The following ZNF804B variants were observed in gnomAD, a reference collection of about 807,000 sequenced individuals.
The protein encoded by ZNF804B is zinc finger protein 804B.
Under a neutral mutation model 101.4 loss-of-function variants are expected in ZNF804B, and 80 were observed. The ratio of observed to expected loss-of-function variants is 0.79; its 90% CI spans 0.66 to 0.95. The LOEUF is 0.95. ZNF804B is among the 40% of genes least tolerant of loss of function. The pLI is 0.00. For synonymous variants in ZNF804B, 622 were observed against 558.8 expected (o/e 1.11, Z -1.59); for missense variants, 1,673 against 1,561.9 (o/e 1.07, Z -1.20).
chr7:88,841,884 A>T (rs566470391), intron 1 of ZNF804B, among the ~76,000 whole-genome samples: 1 of 152,282 alleles, frequency 6.6e-6, no homozygotes, highest in South Asian at 2.1e-4. Flanking sequence ...GACATACTGT[A>T]TTTCTCAGAA....
chr7:89,038,947 T>A (rs1024767571), intron 1 of ZNF804B, among the ~76,000 whole-genome samples: 5 of 152,112 alleles, frequency 3.3e-5, no homozygotes, highest in African/African-American at 1.2e-4. Flanking sequence ...GTGGCATTTT[T>A]ACTGATGAAC....
intron 1 of ZNF804B, among the ~76,000 whole-genome samples, chr7:88,870,174 C>T (rs1212894462): frequency 6.6e-6 from 1 of 150,956 alleles, no homozygotes; most frequent in South Asian, 2.1e-4. Context: ...ATCACGAGGT[C>T]AGGAGATCGA....
intron 1 of ZNF804B, among the ~76,000 whole-genome samples, chr7:89,174,788 T>C (rs896686971): frequency 7.9e-5 from 12 of 151,992 alleles, no homozygotes; most frequent in Admixed American, 7.9e-4. Flanking sequence ...AAAAAACACA[T>C]AACTAGGGTG....
In ZNF804B at chr7:88,877,017, TA is replaced by T. The variant is rs1366065335; in HGVS notation, c.108+116934del. 3.4e-5 allele frequency among the ~76,000 whole-genome samples: 3 copies of T among 89,008 alleles called. No homozygotes were observed. The East Asian group carries it at 1.1e-3, about 32-fold the overall frequency. 58.4% of individuals were successfully genotyped at this position (89,008 alleles called of 152,430 possible). ...ATATTTGAAAAAAAAAATATATATATATATATATAATATATATATATATATA... is the reference window on the plus strand; with the variant it reads ...ATATTTGAAAAAAAAAATATATATATTATATATAATATATATATATATATA... On this transcript the variant is annotated intron_variant, in intron 1 of 3. Transcript: ENST00000333190.
intron 2 of ZNF804B, among the ~76,000 whole-genome samples, chr7:89,284,223 T>G (rs867386272): frequency 3.3e-5 from 5 of 152,364 alleles, no homozygotes; most frequent in South Asian, 4.1e-4. Context: ...ACAAATATTG[T>G]AAGTATCCAC....
At chr7:88,870,551 A>G (rs1257217302) in intron 1 of ZNF804B, among the ~76,000 whole-genome samples, 1 of 152,114 alleles carries the variant, frequency 6.6e-6, no homozygotes, top group Non-Finnish European at 1.5e-5. Context: ...CTCAATTCAC[A>G]TTCAAATAAA....
chr7:89,290,712 A>G (rs1477044306), intron 2 of ZNF804B, among the ~76,000 whole-genome samples: 2 of 152,268 alleles, frequency 1.3e-5, no homozygotes, highest in Admixed American at 6.5e-5. Context: ...GCCACGGTAC[A>G]ACAGAACACT....
At chr7:88,973,739 A>G (rs1216876994) in intron 1 of ZNF804B, among the ~76,000 whole-genome samples, 1 of 149,810 alleles carries the variant, frequency 6.7e-6, no homozygotes, top group Non-Finnish European at 1.5e-5. Context: ...CTCAGTGTTA[A>G]ACTTAATAGT....
chr7:89,234,007 A>G (rs1010655651), intron 2 of ZNF804B, among the ~76,000 whole-genome samples: 1 of 152,212 alleles, frequency 6.6e-6, no homozygotes, highest in Non-Finnish European at 1.5e-5. Flanking sequence ...GTGTGAATCT[A>G]TTAATTTTAG....
chr7:88,832,557 T>G (rs180926001), intron 1 of ZNF804B, among the ~76,000 whole-genome samples: 1 of 152,056 alleles, frequency 6.6e-6, no homozygotes, highest in African/African-American at 2.4e-5. Context: ...TGTTTTTCCT[T>G]TCTGCTCTGG....
intron 1 of ZNF804B, among the ~76,000 whole-genome samples, chr7:89,122,815 T>C (rs955765068): frequency 4.6e-5 from 7 of 152,172 alleles, no homozygotes; most frequent in Non-Finnish European, 8.8e-5. Context: ...CAAATTTACA[T>C]TATTGTGCCT....
intron 2 of ZNF804B, among the ~76,000 whole-genome samples, chr7:89,232,139 C>T (rs543304184): frequency 5.3e-5 from 8 of 152,112 alleles, no homozygotes; most frequent in East Asian, 1.9e-4. Context: ...AAATTATAAA[C>T]GGGCTTCCGT....
intron 2 of ZNF804B, among the ~76,000 whole-genome samples, chr7:89,298,782 A>T (rs1310043224): frequency 6.6e-6 from 1 of 151,992 alleles, no homozygotes; most frequent in African/African-American, 2.4e-5. Context: ...ATCATAAGGT[A>T]AATATATGTT....
intron 1 of ZNF804B, among the ~76,000 whole-genome samples, chr7:88,846,136 A>C (rs1448396223): frequency 2.0e-5 from 3 of 152,184 alleles, no homozygotes; most frequent in Non-Finnish European, 4.4e-5. Flanking sequence ...ACATTAACTT[A>C]ATAATGCCAT....
At chr7:88,782,411 A>C (rs1316384808) in intron 1 of ZNF804B, among the ~76,000 whole-genome samples, 1 of 152,102 alleles carries the variant, frequency 6.6e-6, no homozygotes, top group African/African-American at 2.4e-5. Flanking sequence ...GAGCCATTTT[A>C]TGAATCTTAA....
intron 1 of ZNF804B, among the ~76,000 whole-genome samples, chr7:88,884,142 T>TC (rs2115913837): frequency 6.6e-6 from 1 of 151,830 alleles, no homozygotes; most frequent in South Asian, 2.1e-4. Flanking sequence ...CTTTTTTTTT[T>TC]CTGAGCACTC....
intron 1 of ZNF804B, among the ~76,000 whole-genome samples, chr7:88,798,619 A>G (rs1363614415): frequency 6.6e-6 from 1 of 152,038 alleles, no homozygotes; most frequent in African/African-American, 2.4e-5. Context: ...TCATTGTCAC[A>G]TGGCTATCTG....
chr7:88,878,813 A>G (rs1210891786), intron 1 of ZNF804B, among the ~76,000 whole-genome samples: 1 of 152,202 alleles, frequency 6.6e-6, no homozygotes. Flanking sequence ...AAATGTATCT[A>G]AATTTAGTGA....
chr7:88,913,917 A>G (rs1043186136), intron 1 of ZNF804B, among the ~76,000 whole-genome samples: 1 of 152,318 alleles, frequency 6.6e-6, no homozygotes, highest in South Asian at 2.1e-4. Flanking sequence ...AAGTATTGCT[A>G]AAGTGGCAGG....
Sources: gnomAD v4.1 joint callset for allele counts (sites outside exome capture counted in the v4.1 genomes callset) on GRCh38, gnomAD v4.1.1 for gene constraint, MANE v1.5 for transcripts, NCBI Gene and HGNC (gene_info 2026-07-23, HGNC 2026-07-21) for gene names.